The following ATG7 variants were observed in gnomAD, a reference collection of about 807,000 sequenced individuals.
ATG7 encodes autophagy related 7.
Under a neutral mutation model 82.4 loss-of-function variants are expected in ATG7, and 70 were observed. The observed-to-expected ratio is 0.85, with a 90% CI of 0.70 to 1.04. The LOEUF is 1.04. Among genes scored for constraint, ATG7 ranks in the 50% least tolerant of loss-of-function variants. The probability of loss-of-function intolerance (pLI) is 0.00; values close to 1 mark genes in which losing one functional copy is unlikely to be tolerated. For missense variants in ATG7, 792 were observed against 864.3 expected, an observed-to-expected ratio of 0.92 and a Z score of 1.05; for synonymous variants, 287 against 313.0, an observed-to-expected ratio of 0.92 and a Z score of 0.88.
chr3:11,469,663 C>T (rs1470213316), intron 20 of ATG7, among the ~76,000 whole-genome samples: 5 of 151,994 alleles, frequency 3.3e-5, no homozygotes, highest in South Asian at 4.1e-4. Context: ...TCCACTGCAG[C>T]CCAGCTAATG....
At chr3:11,361,592 T>A (rs1157768426) in intron 16 of ATG7, among the ~76,000 whole-genome samples, 1 of 152,212 alleles carries the variant, frequency 6.6e-6, no homozygotes, top group Non-Finnish European at 1.5e-5. Context: ...CAATAATGAA[T>A]AATTTTTTGG....
At chr3:11,464,217 C>A (rs1312822586) in intron 20 of ATG7, among the ~76,000 whole-genome samples, 1 of 151,806 alleles carries the variant, frequency 6.6e-6, no homozygotes, top group East Asian at 1.9e-4. Flanking sequence ...ACAAAAAATA[C>A]AAAAATTGGC....
At chr3:11,408,172 C>T (rs1451218452) in intron 19 of ATG7, among the ~76,000 whole-genome samples, 2 of 152,226 alleles carry the variant, frequency 1.3e-5, no homozygotes, top group Non-Finnish European at 2.9e-5. Context: ...TAAATCATCT[C>T]TCAAGTTCAA....
intron 19 of ATG7, among the ~76,000 whole-genome samples, chr3:11,403,762 CACAAGGGCAAAAATAGTTCT>C (rs1288022729): frequency 6.6e-6 from 1 of 152,090 alleles, no homozygotes; most frequent in African/African-American, 2.4e-5. Flanking sequence ...GTATGAATAT[CACAAGGGCAAAAATAGTTCT>C]ACACATTGGG....
At chr3:11,342,328 C>T (rs1953781016) in intron 13 of ATG7, 49 bp downstream of exon 13, 1 of 1,568,046 alleles carries the variant, frequency 6.4e-7, no homozygotes, top group Non-Finnish European at 8.6e-7. Context: ...GTTGTAGCTT[C>T]TCTTCTTGTT....
At chr3:11,529,363 C>T (rs554259096) in intron 20 of ATG7, 1 of 152,308 alleles carries the variant, frequency 6.6e-6, no homozygotes, top group African/African-American at 2.4e-5. Context: ...CTTGCCCCTC[C>T]TACCACAAGC....
chr3:11,555,628 G>C lies in ATG7; in HGVS notation c.*785G>C, dbSNP rs1017151495. The C allele has an allele frequency of 6.6e-6, 1 of 152,188 alleles. No individual in the cohort carries two copies. The highest frequency in any genetic ancestry group is 1.5e-5 in the Non-Finnish European group (1 of 68,070). 9.4% of individuals were successfully genotyped at this position (152,188 alleles called of 1,614,324 possible). A position where few individuals can be genotyped will look rare whatever the true frequency, so the allele number is the denominator to read the frequency against. The stretch of plus-strand genomic sequence containing the variant: ...CTTATGAGCAGGCCAGGCCCAGAAA[G>C]GCCGAGCCTGGGCTGCCTTCCTGCC... On this transcript the variant is annotated 3_prime_UTR_variant, in exon 21 of 21. Transcript: ENST00000693202.
At chr3:11,409,422 A>T (rs2080680163) in intron 19 of ATG7, among the ~76,000 whole-genome samples, 3 of 152,214 alleles carry the variant, frequency 2.0e-5, no homozygotes, top group Admixed American at 6.5e-5. Flanking sequence ...TTGCCAGACG[A>T]TCTTGCCCAA....
chr3:11,303,537 C>T (rs925289506), intron 5 of ATG7, among the ~76,000 whole-genome samples: 4 of 151,286 alleles, frequency 2.6e-5, no homozygotes, highest in East Asian at 4.0e-4. Flanking sequence ...GGCGTGGTGC[C>T]GGCGCCTGTA....
intron 20 of ATG7, among the ~76,000 whole-genome samples, chr3:11,485,896 T>C (rs2089573999): frequency 6.6e-6 from 1 of 151,996 alleles, no homozygotes; most frequent in Non-Finnish European, 1.5e-5. Context: ...GTTCCATTGA[T>C]CTATATCTCT....
At chr3:11,466,780 T>G (rs2153006874) in intron 20 of ATG7, among the ~76,000 whole-genome samples, 1 of 152,334 alleles carries the variant, frequency 6.6e-6, no homozygotes, top group African/African-American at 2.4e-5. Flanking sequence ...TGTAGTACAC[T>G]CATTTGTGTT....
chr3:11,475,909 C>CACCCCCT (rs1479988312), intron 20 of ATG7, among the ~76,000 whole-genome samples: 20 of 104,796 alleles, frequency 1.9e-4, no homozygotes, highest in Middle Eastern at 5.2e-3. Context: ...ACACACACAC[C>CACCCCCT]CCCTCCCAGA....
rs376585891 is a variant in ATG7 at position 11,536,578 on chromosome 3, C to T, written c.2080-18233C>T. 1.6e-4 allele frequency among the ~76,000 whole-genome samples: 24 copies of T among 152,366 alleles called. No homozygotes were observed. The South Asian group carries it at 4.4e-3, about 28-fold the overall frequency. On this transcript the variant is annotated intron_variant, in intron 20 of 20. Transcript: ENST00000693202. ...ACCTAGGGAGGATGTTTGTGTTCCA[C>T]GGAGGTCGCCACCCATCTGTTTTCA...
intron 18 of ATG7, among the ~76,000 whole-genome samples, chr3:11,374,129 G>A (rs2077220794): frequency 6.6e-6 from 1 of 152,170 alleles, no homozygotes; most frequent in Non-Finnish European, 1.5e-5. Context: ...ATATGGAAGT[G>A]CAAGGGACCC....
chr3:11,429,951 A>AC (rs1312889462), intron 20 of ATG7, among the ~76,000 whole-genome samples: 1 of 151,002 alleles, frequency 6.6e-6, no homozygotes, highest in Non-Finnish European at 1.5e-5. Flanking sequence ...GTCTCAGGAA[A>AC]AAAAAAAAAA....
chr3:11,297,082 G>A (rs1444384565), intron 3 of ATG7, among the ~76,000 whole-genome samples: 1 of 152,142 alleles, frequency 6.6e-6, no homozygotes, highest in Non-Finnish European at 1.5e-5. Context: ...ATTTGGCCAG[G>A]TGCAGTGGCT....
chr3:11,457,944 A>G (rs1205314543), intron 20 of ATG7, among the ~76,000 whole-genome samples: 1 of 152,148 alleles, frequency 6.6e-6, no homozygotes, highest in African/African-American at 2.4e-5. Flanking sequence ...ACCGGTAAGT[A>G]TATATTGGTT....
At chr3:11,352,337 C>A (rs2075619193) in intron 14 of ATG7, among the ~76,000 whole-genome samples, 1 of 152,150 alleles carries the variant, frequency 6.6e-6, no homozygotes, top group Non-Finnish European at 1.5e-5. Flanking sequence ...TTTATAGCAG[C>A]ATGATTTATA....
chr3:11,481,534 T>C (rs1422814642), intron 20 of ATG7, among the ~76,000 whole-genome samples: 5 of 152,234 alleles, frequency 3.3e-5, no homozygotes, highest in African/African-American at 1.2e-4. Flanking sequence ...TGTCCTGTTA[T>C]GAGAATATTA....
Sources: allele counts gnomAD v4.1 joint callset (sites outside exome capture counted in the v4.1 genomes callset), GRCh38; gene constraint gnomAD v4.1.1; transcripts MANE v1.5; gene names NCBI Gene and HGNC (gene_info 2026-07-23, HGNC 2026-07-21).